Variants in TNR observed in about 807,000 individuals in gnomAD.
The protein encoded by TNR is tenascin R.
TNR carries 45 observed loss-of-function variants against 150.4 expected under a neutral mutation model. The observed-to-expected ratio is 0.30, with a 90% CI of 0.24 to 0.38. The LOEUF is 0.38. Ranked by LOEUF, TNR falls within the 10% of genes least tolerant of loss-of-function variation. TNR has a pLI of 1.00. For missense variants in TNR, 1,544 were observed against 1,759.1 expected, an observed-to-expected ratio of 0.88 and a Z score of 2.19; for synonymous variants, 687 against 678.4, an observed-to-expected ratio of 1.01 and a Z score of -0.20.
At chr1:175,509,325 C>T (rs988852350) in intron 2 of TNR, among the ~76,000 whole-genome samples, 5 of 152,158 alleles carry the variant, frequency 3.3e-5, no homozygotes, top group Non-Finnish European at 5.9e-5. Flanking sequence ...CAGCACTGAT[C>T]CTTTTCTTTC....
chr1:175,399,891 T>C (rs761291674), intron 4 of TNR, among the ~76,000 whole-genome samples: 1 of 152,248 alleles, frequency 6.6e-6, no homozygotes, highest in South Asian at 2.1e-4. Flanking sequence ...TTCCATGATG[T>C]GTCTTACTCC....
intron 1 of TNR, among the ~76,000 whole-genome samples, chr1:175,574,219 A>G (rs1171446990): frequency 6.6e-6 from 1 of 152,122 alleles, no homozygotes; most frequent in East Asian, 1.9e-4. Flanking sequence ...ATGATGACCA[A>G]TCTCCAGCCA....
At chr1:175,644,143 T>G (rs73033364) in intron 1 of TNR, among the ~76,000 whole-genome samples, 4,951 of 152,234 alleles carry the variant, frequency 0.033, 176 homozygotes, top group African/African-American at 0.085. Flanking sequence ...AATTAGGGGG[T>G]GTGTTAGCTG....
At chr1:175,571,414 G>A (rs1661865107) in intron 1 of TNR, among the ~76,000 whole-genome samples, 1 of 152,166 alleles carries the variant, frequency 6.6e-6, no homozygotes, top group African/African-American at 2.4e-5. Context: ...AGATGTACGT[G>A]TTATTACTAT....
At chr1:175,662,383 C>A (rs1665405278) in intron 1 of TNR, among the ~76,000 whole-genome samples, 1 of 152,020 alleles carries the variant, frequency 6.6e-6, no homozygotes, top group Admixed American at 6.5e-5. Context: ...TATCCCTGAG[C>A]AGCCCCTTCT....
intron 5 of TNR, among the ~76,000 whole-genome samples, 171 bp from the exon 6 acceptor site, chr1:175,394,066 C>T (rs1653306010): frequency 6.6e-6 from 1 of 152,242 alleles, no homozygotes; most frequent in African/African-American, 2.4e-5. Flanking sequence ...AATCAACCCA[C>T]CCCATGTGGC....
intron 7 of TNR, among the ~76,000 whole-genome samples, chr1:175,388,351 G>A (rs999100200): frequency 1.3e-5 from 2 of 152,144 alleles, no homozygotes; most frequent in African/African-American, 4.8e-5. Context: ...GAATCATAAT[G>A]GATTGAACAT....
intron 2 of TNR, among the ~76,000 whole-genome samples, chr1:175,422,250 T>C (rs1262753689): frequency 1.3e-5 from 2 of 152,216 alleles, no homozygotes; most frequent in African/African-American, 4.8e-5. Flanking sequence ...CTTATCACAA[T>C]AGTTATCTGC....
At position 175,395,694 on chromosome 1, in the gene TNR, C is replaced by G. The variant is rs549416009; in HGVS notation, c.1240+850G>C. ...TCTGCCTGGCTTTTGAAATTCTAAA[C>G]TAAAACAGGCTTATTGTATCAATTT... On this transcript the variant is annotated intron_variant, in intron 5 of 22. Transcript: ENST00000367674. Among the ~76,000 whole-genome samples, 33 of 152,266 alleles carry G rather than the reference C, an allele frequency of 2.2e-4. No individual in the cohort carries two copies. The East Asian group carries it at 6.2e-3, about 29-fold the overall frequency.
At chr1:175,523,420 G>A (rs990429913) in intron 2 of TNR, among the ~76,000 whole-genome samples, 12 of 152,016 alleles carry the variant, frequency 7.9e-5, no homozygotes, top group African/African-American at 1.7e-4. Context: ...CCTTTTCTTC[G>A]GCTCTTATTA....
intron 1 of TNR, among the ~76,000 whole-genome samples, chr1:175,698,055 G>A (rs1162126058): frequency 1.3e-5 from 2 of 152,200 alleles, no homozygotes; most frequent in Admixed American, 1.3e-4. Context: ...CCTACCCTCT[G>A]TGTTTCTCTC....
At chr1:175,629,642 G>A (rs73033334) in intron 1 of TNR, among the ~76,000 whole-genome samples, 2,135 of 152,270 alleles carry the variant, frequency 0.014, 52 homozygotes, top group African/African-American at 0.049. Context: ...GCAGGAACCT[G>A]AGGGCCTGGT....
rs189411652 is a variant in TNR at position 175,476,923 on chromosome 1, T to G, written c.-64+51346A>C. ...AGCATCTATTATCTAGGCCTATGAA[T>G]AAATTGTAGGATTCTGTAATAGAAT... On this transcript the variant is annotated intron_variant, in intron 2 of 22. Transcript: ENST00000367674. Among the ~76,000 whole-genome samples, 387 of 152,288 alleles carry G rather than the reference T, an allele frequency of 2.5e-3. 4 individuals carry two copies. Among genetic ancestry groups the G allele is most frequent in the Admixed American group, 0.024 (369 of 15,290 alleles).
chr1:175,607,826 T>A (rs191271749), intron 1 of TNR, among the ~76,000 whole-genome samples: 1 of 152,258 alleles, frequency 6.6e-6, no homozygotes, highest in Non-Finnish European at 1.5e-5. Context: ...AGCTTTCTCA[T>A]CTGTAAAATG....
In TNR at chr1:175,620,000, C is replaced by G. The variant is rs1571683676; in HGVS notation, c.-164-91631G>C. Among the ~76,000 whole-genome samples the G allele has an allele frequency of 2.6e-5, 4 of 152,262 alleles. No individual in the cohort carries two copies. The South Asian group carries it at 8.3e-4, about 32-fold the overall frequency. ...ATGGGATTAATAAAACCTACCTCAC[C>G]AATTAAATGGAAGGGGAGAATTAAA... On this transcript the variant is annotated intron_variant, in intron 1 of 22. Coordinates refer to ENST00000367674, the MANE Select transcript of TNR (RefSeq NM_003285.3).
intron 2 of TNR, among the ~76,000 whole-genome samples, chr1:175,469,489 A>G (rs975526833): frequency 1.3e-5 from 2 of 152,062 alleles, no homozygotes; most frequent in Admixed American, 6.6e-5. Context: ...TGGACCCTAA[A>G]GAATAAACAG....
intron 2 of TNR, among the ~76,000 whole-genome samples, chr1:175,420,578 C>G (rs1379463209): frequency 6.6e-6 from 1 of 152,206 alleles, no homozygotes; most frequent in East Asian, 1.9e-4. Context: ...TTTTTTCTCA[C>G]ATTGATCTTC....
At chr1:175,708,654 C>T (rs550482839) in intron 1 of TNR, among the ~76,000 whole-genome samples, 108 of 152,200 alleles carry the variant, frequency 7.1e-4, no homozygotes, top group Admixed American at 1.8e-3. Flanking sequence ...CCTGACCAGT[C>T]GTCAAGACTG....
intron 14 of TNR, among the ~76,000 whole-genome samples, chr1:175,360,625 G>A (rs1651547158): frequency 6.6e-6 from 1 of 152,176 alleles, no homozygotes; most frequent in Non-Finnish European, 1.5e-5. Context: ...ACCAAGATCT[G>A]CTGTGGATCT....
Sources: allele counts gnomAD v4.1 joint callset (sites outside exome capture counted in the v4.1 genomes callset), GRCh38; gene constraint gnomAD v4.1.1; transcripts MANE v1.5; gene names NCBI Gene and HGNC (gene_info 2026-07-23, HGNC 2026-07-21).